OR2T6: variants seen among roughly 807,000 people sequenced by gnomAD.
OR2T6 encodes the protein olfactory receptor family 2 subfamily T member 6.
For synonymous variants in OR2T6, 174 were observed against 148.0 expected (o/e 1.18, Z -1.27); for missense variants, 424 against 391.6 (o/e 1.08, Z -0.70).
rs1182537591 is a variant in OR2T6 at position 248,384,137 on chromosome 1, A to C, written c.-158-574A>C. ...TGATGTGTTTCCTAGTGTTATTGTC[A>C]TGGGTAAAGCACTGCACTAGCCTGA... On this transcript the variant is annotated intron_variant, in intron 1 of 2. Coordinates refer to ENST00000641644, the MANE Select transcript of OR2T6 (RefSeq NM_001005471.2). 3.2e-4 allele frequency among the ~76,000 whole-genome samples: 19 copies of C among 58,592 alleles called. 4 individuals carry two copies. The highest frequency in any genetic ancestry group is 4.5e-4 in the African/African-American group (4 of 8,874). The allele number at this position is 58,592 out of a possible 152,430, so 38.4% of individuals were successfully genotyped here. A position where few individuals can be genotyped will look rare whatever the true frequency, so the allele number is the denominator to read the frequency against.
chr1:248,387,740 C>T lies in OR2T6; in HGVS notation c.132C>T (p.Val44=). ...TCATGGCCATGATAGCTAATGGGGT[C>T]ATGATCTTCCTGATTAACATAGACC... The part of the protein sequence containing the change: ...VFFMAMIANG[V]MIFLINIDPH... The change falls in exon 3 of 3, where the codon GTC becomes GTT. Residue 44 remains valine (V), a synonymous_variant. Transcript: ENST00000641644. 1 of 1,613,924 alleles carries T rather than the reference C, an allele frequency of 6.2e-7. No homozygotes were observed. The highest frequency in any genetic ancestry group is 1.1e-5 in the South Asian group (1 of 91,070).
chr1:248,387,710 C>A lies in OR2T6; in HGVS notation c.102C>A (p.Val34=). 6.2e-7 allele frequency: 1 copy of A among 1,613,850 alleles called. No homozygotes were observed. The highest frequency in any genetic ancestry group is 8.5e-7 in the Non-Finnish European group (1 of 1,179,832). Reference sequence around the variant, plus strand: ...TCTTTTTCGGTGTCATTTGTGCCGTCTTCTTCATGGCCATGATAGCTAATG... The same window carrying A: ...TCTTTTTCGGTGTCATTTGTGCCGTATTCTTCATGGCCATGATAGCTAATG... ...SGFFFGVICA[V]FFMAMIANGV... Residue 34 remains valine (V), a synonymous_variant, in exon 3 of 3, where the codon GTC becomes GTA. Coordinates refer to ENST00000641644, the MANE Select transcript of OR2T6 (RefSeq NM_001005471.2).
In OR2T6 at chr1:248,388,430, C is replaced by A. The variant is rs1231243077; in HGVS notation, c.822C>A (p.Phe274Leu). 5 of 1,613,748 alleles carry A rather than the reference C, an allele frequency of 3.1e-6. No homozygotes were observed. The highest frequency in any genetic ancestry group is 4.2e-6 in the Non-Finnish European group (5 of 1,179,800). ...SYHTPIKDKV[F>L]SAFYTILTPL... ...ACACCCCAATCAAAGATAAGGTCTT[C>A]TCTGCCTTTTATACCATCCTCACAC... Residue 274 changes from phenylalanine to leucine, a missense_variant, in exon 3 of 3, where the codon TTC becomes TTA. Phe to Leu is a conservative substitution (Grantham distance 22). Coordinates refer to ENST00000641644, the MANE Select transcript of OR2T6 (RefSeq NM_001005471.2).
intron 1 of OR2T6, among the ~76,000 whole-genome samples, chr1:248,376,540 G>A (rs1250552036): frequency 1.3e-5 from 2 of 152,178 alleles, no homozygotes; most frequent in African/African-American, 4.8e-5. Flanking sequence ...ACAATTAAAT[G>A]GAGTCACCAG....
intron 1 of OR2T6, among the ~76,000 whole-genome samples, chr1:248,383,420 C>T (rs1247126278): frequency 1.3e-4 from 5 of 39,500 alleles, no homozygotes; most frequent in African/African-American, 4.4e-4. Flanking sequence ...CCTGAGTGTG[C>T]TCATCCTATC....
At chr1:248,377,170 C>A (rs150498700) in intron 1 of OR2T6, among the ~76,000 whole-genome samples, 78 of 152,292 alleles carry the variant, frequency 5.1e-4, no homozygotes, top group African/African-American at 1.7e-3. Context: ...GACCAAGTGG[C>A]CTACATATTC....
rs1291364352 is a variant in OR2T6 at position 248,390,987 on chromosome 1, A to T, written c.*2452A>T. 1 of 152,200 alleles carries T rather than the reference A, an allele frequency of 6.6e-6. No homozygotes were observed. Among genetic ancestry groups the T allele is most frequent in the East Asian group, 1.9e-4 (1 of 5,206 alleles). 9.4% of individuals were successfully genotyped at this position (152,200 alleles called of 1,614,324 possible). A position where few individuals can be genotyped will look rare whatever the true frequency, so the allele number is the denominator to read the frequency against. ...CAGCTATTCTTTGAAAAGATGATTG[A>T]CTTTTATATTCAGTTTTTACAATTT... On this transcript the variant is annotated 3_prime_UTR_variant, in exon 3 of 3. Transcript: ENST00000641644.
chr1:248,379,426 T>G (rs1660996002), intron 1 of OR2T6, among the ~76,000 whole-genome samples: 1 of 152,132 alleles, frequency 6.6e-6, no homozygotes, highest in African/African-American at 2.4e-5. Context: ...GACAGAGTGC[T>G]GCAGAGTAGA....
chr1:248,378,431 A>G (rs529631316), intron 1 of OR2T6, among the ~76,000 whole-genome samples: 1 of 148,494 alleles, frequency 6.7e-6, no homozygotes, highest in South Asian at 2.1e-4. Context: ...GTGCGTTTTA[A>G]AGTCTTACTC....
At chr1:248,385,171 C>CT (rs1661117370) in intron 2 of OR2T6, among the ~76,000 whole-genome samples, 1 of 152,176 alleles carries the variant, frequency 6.6e-6, no homozygotes, top group Non-Finnish European at 1.5e-5. Context: ...ACAGCCAATC[C>CT]TTTTTCTGAG....
In OR2T6 at chr1:248,388,175, T is replaced by A. The variant is rs756572193; in HGVS notation, c.567T>A (p.Cys189Ter). The A allele has an allele frequency of 6.2e-7, 1 of 1,613,890 alleles. No homozygotes were observed. Among genetic ancestry groups the A allele is most frequent in the East Asian group, 2.2e-5 (1 of 44,802 alleles). Residue 189 changes from cysteine (C) to a stop codon, truncating the protein, a stop_gained, in exon 3 of 3, where the codon TGT becomes TGA. Transcript: ENST00000641644. LOFTEE classifies it low-confidence loss of function (END_TRUNC). ...CEAPTMLRLA[C>*]GDKTTYETVM... is the part of the protein sequence containing the mutation. ...CACCCACCATGCTGAGGCTGGCCTG[T>A]GGGGACAAAACCACCTATGAAACAG... is the stretch of plus-strand genomic sequence containing the variant.
rs767969707 is a variant in OR2T6, at chr1:248,388,161, C to A, written c.553C>A (p.Leu185Met). 1.9e-6 allele frequency: 3 copies of A among 1,613,930 alleles called. No individual in the cohort carries two copies. Among genetic ancestry groups the A allele is most frequent in the Non-Finnish European group, 2.5e-6 (3 of 1,179,992 alleles). Residue 185 changes from leucine to methionine, a missense_variant, in exon 3 of 3, where the codon CTG becomes ATG. Physicochemically the swap from Leu to Met is conservative, Grantham distance 15 (BLOSUM62 2). Transcript: ENST00000641644. Reference sequence around the variant, plus strand: ...CTTTTTCTGTGAGGCACCCACCATGCTGAGGCTGGCCTGTGGGGACAAAAC... The same window carrying A: ...CTTTTTCTGTGAGGCACCCACCATGATGAGGCTGGCCTGTGGGGACAAAAC... Reference protein sequence around the residue: ...NHFFCEAPTMLRLACGDKTTY... With the variant: ...NHFFCEAPTMMRLACGDKTTY...
intron 1 of OR2T6, among the ~76,000 whole-genome samples, chr1:248,377,688 A>G (rs1308179429): frequency 6.6e-6 from 1 of 152,226 alleles, no homozygotes; most frequent in African/African-American, 2.4e-5. Context: ...TACAAAGTTC[A>G]TAGTATGTGA....
In OR2T6 at chr1:248,387,642, T is replaced by A. The variant is rs1383331422; in HGVS notation, c.34T>A (p.Phe12Ile). ...NENNETLTRG[F>I]TLMGLFTHNK... Reference sequence around the variant, plus strand: ...AAACAATGAAACCTTGACCAGAGGCTTTACCCTCATGGGGCTCTTCACTCA... The same window carrying A: ...AAACAATGAAACCTTGACCAGAGGCATTACCCTCATGGGGCTCTTCACTCA... Residue 12 changes from phenylalanine to isoleucine, a missense_variant, in exon 3 of 3, where the codon TTT becomes ATT. Phe to Ile is a conservative substitution (Grantham distance 21). Coordinates refer to ENST00000641644, the MANE Select transcript of OR2T6 (RefSeq NM_001005471.2). 6.2e-7 allele frequency: 1 copy of A among 1,605,672 alleles called. No individual in the cohort carries two copies. Among genetic ancestry groups the A allele is most frequent in the Admixed American group, 1.7e-5 (1 of 59,802 alleles).
intron 1 of OR2T6, among the ~76,000 whole-genome samples, chr1:248,382,916 G>T (rs1327230031): frequency 1.3e-5 from 2 of 152,192 alleles, no homozygotes; most frequent in Non-Finnish European, 2.9e-5. Flanking sequence ...AAAATTTTAT[G>T]TCTTCAGCGC....
chr1:248,386,152 C>T (rs1047981482), intron 2 of OR2T6, among the ~76,000 whole-genome samples: 1 of 152,126 alleles, frequency 6.6e-6, no homozygotes, highest in African/African-American at 2.4e-5. Context: ...TGGTGTAACA[C>T]CTGAGTGCAC....
chr1:248,385,800 T>C (rs1429098481), intron 2 of OR2T6, among the ~76,000 whole-genome samples: 1 of 152,204 alleles, frequency 6.6e-6, no homozygotes. Context: ...CGGCAAGATA[T>C]TGTGTGTCCT....
intron 1 of OR2T6, among the ~76,000 whole-genome samples, chr1:248,377,485 T>C (rs1483031716): frequency 3.3e-5 from 5 of 152,160 alleles, no homozygotes; most frequent in African/African-American, 1.2e-4. Flanking sequence ...CATATTATAT[T>C]TGAGGAGGCA....
At chr1:248,383,162 GTGTGTTTCCT>G (rs1661070871) in intron 1 of OR2T6, among the ~76,000 whole-genome samples, 1 of 41,442 alleles carries the variant, frequency 2.4e-5, no homozygotes, top group Non-Finnish European at 4.3e-5. Context: ...TCCTATCCTG[GTGTGTTTCCT>G]AGTGTTATCA....
Sources: allele counts gnomAD v4.1 joint callset (sites outside exome capture counted in the v4.1 genomes callset), GRCh38; gene constraint gnomAD v4.1.1; transcripts MANE v1.5; gene names NCBI Gene and HGNC (gene_info 2026-07-23, HGNC 2026-07-21).